SEPTIN11: variants seen among roughly 807,000 people sequenced by gnomAD.
The protein encoded by SEPTIN11 is septin-11.
Under a neutral mutation model 51.4 loss-of-function variants are expected in SEPTIN11, and 25 were observed. The ratio of observed to expected loss-of-function variants is 0.49; its 90% CI spans 0.35 to 0.68. The LOEUF (loss-of-function observed/expected upper bound fraction) is 0.68, where lower values mean the gene tolerates loss of function less well. Among genes scored for constraint, SEPTIN11 ranks in the 30% least tolerant of loss-of-function variants. The pLI is 0.00. For synonymous variants in SEPTIN11, 174 were observed against 184.1 expected, an observed-to-expected ratio of 0.95 and a Z score of 0.44; for missense variants, 381 against 520.8, an observed-to-expected ratio of 0.73 and a Z score of 2.61.
chr4:76,950,639 G>T (rs943691879), intron 1 of SEPTIN11, among the ~76,000 whole-genome samples: 1 of 152,050 alleles, frequency 6.6e-6, no homozygotes, highest in East Asian at 1.9e-4. Context: ...GTGAAGAATC[G>T]AGTGCCCCAC....
chr4:77,005,388 C>G (rs1332467224), intron 2 of SEPTIN11, among the ~76,000 whole-genome samples: 1 of 152,224 alleles, frequency 6.6e-6, no homozygotes, highest in African/African-American at 2.4e-5. Context: ...TGAAATCTCT[C>G]TGCTAAATAG....
intron 1 of SEPTIN11, among the ~76,000 whole-genome samples, chr4:76,995,401 A>T (rs1347837248): frequency 1.3e-5 from 2 of 151,782 alleles, no homozygotes; most frequent in Admixed American, 6.6e-5. Context: ...TAATAAAAAT[A>T]AAAATAATAA....
intron 1 of SEPTIN11, among the ~76,000 whole-genome samples, chr4:76,968,820 A>C (rs1181195715): frequency 1.3e-5 from 2 of 152,218 alleles, no homozygotes; most frequent in African/African-American, 4.8e-5. Context: ...TAGTAGCTTC[A>C]TGTGATTCAA....
intron 1 of SEPTIN11, among the ~76,000 whole-genome samples, chr4:76,990,369 G>C (rs10026107): frequency 0.53 from 79,453 of 151,278 alleles, 21,573 homozygotes; most frequent in Middle Eastern, 0.62. Context: ...GTCTCCACTC[G>C]ACCCAGGAAG....
intron 1 of SEPTIN11, among the ~76,000 whole-genome samples, chr4:76,990,997 C>G (rs769070172): frequency 6.6e-6 from 1 of 152,144 alleles, no homozygotes; most frequent in Non-Finnish European, 1.5e-5. Context: ...TCATCATTCT[C>G]GTTTTTTATT....
At chr4:77,016,570 AAT>A (rs199587176) in intron 5 of SEPTIN11, among the ~76,000 whole-genome samples, 11 of 141,724 alleles carry the variant, frequency 7.8e-5, no homozygotes, top group Non-Finnish European at 1.1e-4. Flanking sequence ...TATATGCTAA[AAT>A]ATATATATAG....
chr4:76,994,006 A>G (rs1723523454), intron 1 of SEPTIN11, among the ~76,000 whole-genome samples: 1 of 152,166 alleles, frequency 6.6e-6, no homozygotes, highest in Admixed American at 6.5e-5. Context: ...TCATAGGTGG[A>G]TATCTGGTAT....
At chr4:77,025,651 T>C (rs1300779066) in intron 7 of SEPTIN11, among the ~76,000 whole-genome samples, 1 of 152,136 alleles carries the variant, frequency 6.6e-6, no homozygotes, top group African/African-American at 2.4e-5. Context: ...GGGCTTGTGG[T>C]ATCTCTAGTG....
rs115043215 is a variant in SEPTIN11, at chr4:76,974,043, T to C, written c.28-22382T>C. 8.0e-3 allele frequency among the ~76,000 whole-genome samples: 1,224 copies of C among 152,288 alleles called. 21 individuals are homozygous for C. Among genetic ancestry groups the C allele is most frequent in the African/African-American group, 0.028 (1,175 of 41,548 alleles). ...TGGTCTCTAGAGAAGTAGGGTTCAT[T>C]TGAGCCCCAGAATACAGCTTCTGGC... On this transcript the variant is annotated intron_variant, in intron 1 of 9. Coordinates refer to ENST00000264893, the MANE Select transcript of SEPTIN11 (RefSeq NM_018243.4).
At position 77,034,692 on chromosome 4, in the gene SEPTIN11, C is replaced by G; in HGVS notation, c.*180C>G. 7.6e-7 allele frequency: 1 copy of G among 1,319,152 alleles called. No homozygotes were observed. Among genetic ancestry groups the G allele is most frequent in the East Asian group, 3.1e-5 (1 of 31,982 alleles). 81.7% of individuals were successfully genotyped at this position (1,319,152 alleles called of 1,614,324 possible). A position where few individuals can be genotyped will look rare whatever the true frequency, so the allele number is the denominator to read the frequency against. ...TGTTGGGTGGTAGAAAATGATAGAA[C>G]AAGGGAATAACCGCGAATGCTCTGT... On this transcript the variant is annotated 3_prime_UTR_variant, in exon 10 of 10. Coordinates refer to ENST00000264893, the MANE Select transcript of SEPTIN11 (RefSeq NM_018243.4).
intron 1 of SEPTIN11, chr4:76,972,535 C>T (rs551778101): frequency 2.0e-5 from 3 of 151,936 alleles, no homozygotes; most frequent in Admixed American, 2.0e-4. Flanking sequence ...AGGAATCCAG[C>T]CTTTTTAGTT....
chr4:76,982,526 T>C (rs961720600), intron 1 of SEPTIN11, among the ~76,000 whole-genome samples: 4 of 152,178 alleles, frequency 2.6e-5, no homozygotes, highest in African/African-American at 9.6e-5. Flanking sequence ...TTATTTCATC[T>C]TACCATAACC....
chr4:76,961,265 C>A (rs1721814930), intron 1 of SEPTIN11, among the ~76,000 whole-genome samples: 1 of 151,906 alleles, frequency 6.6e-6, no homozygotes, highest in Admixed American at 6.6e-5. Context: ...TTTTTTCTTC[C>A]CAGGCTATCT....
Position 77,038,312 on chromosome 4 carries a change from C to T in SEPTIN11, c.*3800C>T, listed in dbSNP as rs755296476. The T allele has an allele frequency of 4.7e-5, 46 of 985,400 alleles. No individual in the cohort carries two copies. The highest frequency in any genetic ancestry group is 5.5e-5 in the Non-Finnish European group (46 of 829,710). 61.0% of individuals were successfully genotyped at this position (985,400 alleles called of 1,614,324 possible). ...ATGCCTTAAACTGTAGTTGTAGATC[C>T]TTGTCATTTTGCTGTTTGAAAATAA... On this transcript the variant is annotated 3_prime_UTR_variant, in exon 10 of 10. Coordinates refer to ENST00000264893, the MANE Select transcript of SEPTIN11 (RefSeq NM_018243.4).
intron 1 of SEPTIN11, among the ~76,000 whole-genome samples, chr4:76,970,321 G>A (rs189985368): frequency 6.6e-6 from 1 of 152,266 alleles, no homozygotes; most frequent in African/African-American, 2.4e-5. Context: ...ATTAATTTTT[G>A]TATCTTAAAC....
chr4:77,035,766 G>GC lies in SEPTIN11; in HGVS notation c.*1256dup. On this transcript the variant is annotated 3_prime_UTR_variant, in exon 10 of 10. Coordinates refer to ENST00000264893, the MANE Select transcript of SEPTIN11 (RefSeq NM_018243.4). ...ATCAGGGATTAGAACTGGCCCATAT[G>GC]CCAGAACCTGTACTAAATGCCTAAT... 1 of 985,818 alleles carries GC rather than the reference G, an allele frequency of 1.0e-6. No homozygotes were observed. Among genetic ancestry groups the GC allele is most frequent in the Non-Finnish European group, 1.2e-6 (1 of 829,934 alleles). The allele number at this position is 985,818 out of a possible 1,614,324, so 61.1% of individuals were successfully genotyped here. A position where few individuals can be genotyped will look rare whatever the true frequency, so the allele number is the denominator to read the frequency against.
chr4:77,012,464 C>T (rs1436674899), intron 4 of SEPTIN11, among the ~76,000 whole-genome samples: 1 of 152,160 alleles, frequency 6.6e-6, no homozygotes, highest in Non-Finnish European at 1.5e-5. Flanking sequence ...TAAAATTTTG[C>T]ACCTTACTAT....
At chr4:76,956,993 T>TGTGTGTGTGTGTGTGTGTGTGA (rs769320568) in intron 1 of SEPTIN11, among the ~76,000 whole-genome samples, 4 of 98,578 alleles carry the variant, frequency 4.1e-5, no homozygotes, top group African/African-American at 1.3e-4. Flanking sequence ...TGTGTGTGTG[T>TGTGTGTGTGTGTGTGTGTGTGA]GAGAGAGAGA....
chr4:76,976,020 A>G (rs539318821), intron 1 of SEPTIN11, among the ~76,000 whole-genome samples: 110 of 152,324 alleles, frequency 7.2e-4, no homozygotes, highest in African/African-American at 2.4e-3. Flanking sequence ...CTCACAGGAT[A>G]CCATGGGGCT....
Sources: gnomAD v4.1 joint callset for allele counts (sites outside exome capture counted in the v4.1 genomes callset) on GRCh38, gnomAD v4.1.1 for gene constraint, MANE v1.5 for transcripts, NCBI Gene and HGNC (gene_info 2026-07-23, HGNC 2026-07-21) for gene names.